The following JAZF1 variants were observed in gnomAD, a reference collection of about 807,000 sequenced individuals.
The protein encoded by JAZF1 is juxtaposed with another zinc finger protein 1.
In JAZF1, 8 loss-of-function variants were observed where a neutral mutation model predicts 26.4. The ratio of observed to expected loss-of-function variants is 0.30; its 90% CI spans 0.18 to 0.55. The LOEUF is 0.55. JAZF1 is among the 20% of genes least tolerant of loss of function. The pLI, the probability that JAZF1 is intolerant of heterozygous loss-of-function variation, is 0.94. For synonymous variants in JAZF1, 126 were observed against 122.3 expected, an observed-to-expected ratio of 1.03 and a Z score of -0.20; for missense variants, 199 against 322.0, an observed-to-expected ratio of 0.62 and a Z score of 2.92.
At chr7:27,845,696 CA>C (rs796643520) in intron 3 of JAZF1, among the ~76,000 whole-genome samples, 10,665 of 50,988 alleles carry the variant, frequency 0.21, 327 homozygotes, top group Non-Finnish European at 0.24. Context: ...GACTCTGCCT[CA>C]AAAAAAAAAA....
At chr7:27,886,831 C>CA (rs149951655) in intron 3 of JAZF1, among the ~76,000 whole-genome samples, 8,743 of 152,250 alleles carry the variant, frequency 0.057, 363 homozygotes, top group Middle Eastern at 0.085. Flanking sequence ...TTCACGATAG[C>CA]AAAGACATGG....
At chr7:28,126,356 A>T (rs1413566450) in intron 1 of JAZF1, among the ~76,000 whole-genome samples, 4 of 152,100 alleles carry the variant, frequency 2.6e-5, no homozygotes, top group Non-Finnish European at 4.4e-5. Context: ...ACATAAATAA[A>T]CTGAGAAACA....
At chr7:28,138,056 T>C (rs1281141361) in intron 1 of JAZF1, among the ~76,000 whole-genome samples, 1 of 152,188 alleles carries the variant, frequency 6.6e-6, no homozygotes, top group Non-Finnish European at 1.5e-5. Flanking sequence ...CTATCCTCTG[T>C]TCAATGCTTC....
intron 3 of JAZF1, among the ~76,000 whole-genome samples, chr7:27,847,022 T>G (rs1007244021): frequency 3.3e-5 from 5 of 152,120 alleles, no homozygotes; most frequent in African/African-American, 1.2e-4. Context: ...CAGGCTGGAG[T>G]GCAATGGCAC....
At chr7:28,068,967 C>T (rs536006721) in intron 1 of JAZF1, among the ~76,000 whole-genome samples, 28 of 152,146 alleles carry the variant, frequency 1.8e-4, no homozygotes, top group Non-Finnish European at 2.6e-4. Flanking sequence ...GAATGTTGTA[C>T]AAAATGTGAT....
intron 2 of JAZF1, chr7:27,914,836 C>G (rs1435263687): frequency 1.3e-5 from 6 of 471,052 alleles, no homozygotes; most frequent in African/African-American, 1.2e-4. Flanking sequence ...CTGGATTTCA[C>G]AAGCCATGCA....
At chr7:27,962,584 T>G (rs1286087983) in intron 2 of JAZF1, among the ~76,000 whole-genome samples, 1 of 152,218 alleles carries the variant, frequency 6.6e-6, no homozygotes, top group Non-Finnish European at 1.5e-5. Context: ...CAAGTTATAT[T>G]TGGAATCCCA....
At chr7:28,081,278 G>C (rs540670678) in intron 1 of JAZF1, among the ~76,000 whole-genome samples, 4 of 152,288 alleles carry the variant, frequency 2.6e-5, no homozygotes, top group Admixed American at 6.5e-5. Context: ...CGATGAGGAA[G>C]CCACATGCAG....
At chr7:27,895,474 G>A (rs1583452193) in intron 2 of JAZF1, 58 bp from the exon 3 acceptor site, 2 of 1,290,400 alleles carry the variant, frequency 1.5e-6, no homozygotes, top group East Asian at 2.6e-5. Flanking sequence ...GAGGACTGAT[G>A]ACATTTATTA....
intron 1 of JAZF1, among the ~76,000 whole-genome samples, chr7:28,096,857 T>C (rs1244295098): frequency 6.6e-6 from 1 of 152,184 alleles, no homozygotes; most frequent in African/African-American, 2.4e-5. Flanking sequence ...TTCAAGTTCC[T>C]TCGTTTTTAC....
chr7:28,072,928 A>C (rs1783998626), intron 1 of JAZF1, among the ~76,000 whole-genome samples: 2 of 152,220 alleles, frequency 1.3e-5, no homozygotes, highest in Non-Finnish European at 2.9e-5. Flanking sequence ...ATAACCAAAA[A>C]AAATTATGTA....
intron 3 of JAZF1, among the ~76,000 whole-genome samples, chr7:27,892,084 A>G (rs1783983724): frequency 2.0e-5 from 3 of 152,240 alleles, no homozygotes; most frequent in Non-Finnish European, 4.4e-5. Flanking sequence ...TAACCTGGCA[A>G]TGAAAGTGAC....
chr7:28,135,342 A>G (rs1782865151), intron 1 of JAZF1, among the ~76,000 whole-genome samples: 1 of 152,216 alleles, frequency 6.6e-6, no homozygotes, highest in Non-Finnish European at 1.5e-5. Context: ...GATATGAGAC[A>G]GAGCTTTCAC....
intron 1 of JAZF1, among the ~76,000 whole-genome samples, chr7:28,019,741 A>C (rs1782971067): frequency 6.6e-6 from 1 of 152,094 alleles, no homozygotes; most frequent in Admixed American, 6.5e-5. Context: ...TATTTGCTGA[A>C]ACTCCTGAAT....
At chr7:27,838,850 G>A (rs1040680568) in intron 4 of JAZF1, among the ~76,000 whole-genome samples, 6 of 152,122 alleles carry the variant, frequency 3.9e-5, no homozygotes, top group Non-Finnish European at 8.8e-5. Flanking sequence ...CGCTTCCCTC[G>A]TGGGATCAGG....
intron 3 of JAZF1, among the ~76,000 whole-genome samples, chr7:27,875,068 C>T (rs753475416): frequency 2.0e-5 from 3 of 152,116 alleles, no homozygotes; most frequent in Admixed American, 6.5e-5. Flanking sequence ...GTGACAGAGG[C>T]GGTCAGTGAT....
At chr7:27,837,504 T>G (rs1345724479) in intron 4 of JAZF1, among the ~76,000 whole-genome samples, 1 of 152,204 alleles carries the variant, frequency 6.6e-6, no homozygotes, top group African/African-American at 2.4e-5. Context: ...TGCTGGGTGC[T>G]GAGGAGGGAC....
chr7:27,940,322 C>T (rs545074101), intron 2 of JAZF1, among the ~76,000 whole-genome samples: 2 of 152,138 alleles, frequency 1.3e-5, no homozygotes, highest in African/African-American at 4.8e-5. Context: ...CCCGCCACCC[C>T]CCGTGATCAG....
intron 2 of JAZF1, among the ~76,000 whole-genome samples, chr7:27,963,838 G>A (rs548055215): frequency 2.6e-5 from 4 of 152,272 alleles, no homozygotes; most frequent in African/African-American, 7.2e-5. Context: ...AAAGTGCTGG[G>A]ATTAAGGCAT....
Sources: gnomAD v4.1 joint callset for allele counts (sites outside exome capture counted in the v4.1 genomes callset) on GRCh38, gnomAD v4.1.1 for gene constraint, MANE v1.5 for transcripts, NCBI Gene and HGNC (gene_info 2026-07-23, HGNC 2026-07-21) for gene names.